The following SPATS2 variants were observed in gnomAD, a reference collection of about 807,000 sequenced individuals.
The protein encoded by SPATS2 is spermatogenesis associated serine rich 2.
SPATS2 carries 38 observed loss-of-function variants against 63.7 expected under a neutral mutation model. The observed-to-expected ratio is 0.60, with a 90% CI of 0.46 to 0.78. The LOEUF is 0.78. Among genes scored for constraint, SPATS2 ranks in the 30% least tolerant of loss-of-function variants. The pLI is 0.00. For synonymous variants in SPATS2, 207 were observed against 232.9 expected, an observed-to-expected ratio of 0.89 and a Z score of 1.01; for missense variants, 588 against 666.2, an observed-to-expected ratio of 0.88 and a Z score of 1.29.
intron 2 of SPATS2, among the ~76,000 whole-genome samples, chr12:49,445,285 T>A (rs887898770): frequency 9.2e-5 from 14 of 152,158 alleles, no homozygotes; most frequent in Middle Eastern, 3.2e-3. Context: ...TCCCCTTTTT[T>A]AAAAACCATG....
At chr12:49,389,919 A>G in intron 2 of SPATS2, 2 of 811,564 alleles carry the variant, frequency 2.5e-6, no homozygotes, top group Admixed American at 3.4e-5. Context: ...CCAAGGATAC[A>G]GGCACATGTT....
chr12:49,523,971 AT>A (rs1365899463), intron 12 of SPATS2, among the ~76,000 whole-genome samples: 1 of 151,994 alleles, frequency 6.6e-6, no homozygotes, highest in Non-Finnish European at 1.5e-5. Flanking sequence ...AAAGTGAAAT[AT>A]TTCACCTATG....
chr12:49,385,839 T>TTTTG lies in SPATS2; in HGVS notation c.-244+14577_-244+14580dup, dbSNP rs576472782. On this transcript the variant is annotated intron_variant, in intron 2 of 13. Transcript: ENST00000552918. ...ACAATTTTGTGGGGTTTTTTTTGTT[T>TTTTG]TTTGTTTGTTTGTTTGTTTGTTTGT... 7.5e-3 allele frequency among the ~76,000 whole-genome samples: 1,110 copies of TTTTG among 147,490 alleles called. 7 individuals carry two copies. The highest frequency in any genetic ancestry group is 0.018 in the South Asian group (85 of 4,680).
intron 3 of SPATS2, chr12:49,462,238 C>T (rs764574298): frequency 7.3e-5 from 51 of 700,362 alleles, no homozygotes; most frequent in Middle Eastern, 6.9e-4. Context: ...GCAGGAGTCT[C>T]TCCTTTACTC....
intron 2 of SPATS2, among the ~76,000 whole-genome samples, chr12:49,390,646 T>C (rs980150388): frequency 4.6e-5 from 7 of 152,212 alleles, no homozygotes; most frequent in African/African-American, 1.7e-4. Context: ...TACTTTCACA[T>C]TTATTTAAAT....
chr12:49,464,016 C>T (rs1365643121), intron 3 of SPATS2, among the ~76,000 whole-genome samples: 1 of 152,122 alleles, frequency 6.6e-6, no homozygotes, highest in Non-Finnish European at 1.5e-5. Context: ...TGTCTGTGAA[C>T]TGGAGAAGTA....
In SPATS2 at chr12:49,500,224, G is replaced by C; in HGVS notation, c.839+19G>C. ...AGAGCTGGTAATTTAAGCTGCATTTGATATCAGTAGCATAAAAATGATCAT... is the reference window on the plus strand; with the variant it reads ...AGAGCTGGTAATTTAAGCTGCATTTCATATCAGTAGCATAAAAATGATCAT... On this transcript the variant is annotated intron_variant, in intron 9 of 13. Transcript: ENST00000552918. 6.3e-7 allele frequency: 1 copy of C among 1,584,950 alleles called. No individual in the cohort carries two copies. The highest frequency in any genetic ancestry group is 1.4e-5 in the African/African-American group (1 of 72,866).
At position 49,410,523 on chromosome 12, in the gene SPATS2, C is replaced by T. The variant is rs146456645; in HGVS notation, c.-244+39233C>T. 3.3e-4 allele frequency among the ~76,000 whole-genome samples: 51 copies of T among 152,254 alleles called. No homozygotes were observed. In the East Asian group the frequency reaches 9.2e-3, roughly 28 times the overall value. On this transcript the variant is annotated intron_variant, in intron 2 of 13. Coordinates refer to ENST00000552918, the MANE Select transcript of SPATS2 (RefSeq NM_023071.4). ...ATACTTACTATCTAATTTTTCTCCC[C>T]AACTTCTACCTGACCTCATTTTGTG...
At chr12:49,430,221 C>T (rs886779957) in intron 2 of SPATS2, among the ~76,000 whole-genome samples, 2 of 151,374 alleles carry the variant, frequency 1.3e-5, no homozygotes, top group Non-Finnish European at 2.9e-5. Context: ...CTGCCTCAGC[C>T]TCCCGAGTAG....
intron 2 of SPATS2, among the ~76,000 whole-genome samples, chr12:49,447,400 G>A (rs1424861914): frequency 1.3e-5 from 2 of 152,026 alleles, no homozygotes; most frequent in Non-Finnish European, 2.9e-5. Context: ...CACCATGCCT[G>A]GCTAATTTTT....
intron 10 of SPATS2, among the ~76,000 whole-genome samples, chr12:49,517,118 A>G (rs1437828090): frequency 1.3e-5 from 2 of 152,222 alleles, no homozygotes; most frequent in Non-Finnish European, 2.9e-5. Context: ...TTTGAGAGCT[A>G]TAATTTTGTC....
At chr12:49,472,131 CTTT>C (rs778973190) in intron 3 of SPATS2, among the ~76,000 whole-genome samples, 4 of 151,936 alleles carry the variant, frequency 2.6e-5, no homozygotes, top group African/African-American at 4.8e-5. Context: ...GAGCAAGACT[CTTT>C]GTCTCAAAAG....
chr12:49,522,028 G>GAA lies in SPATS2; in HGVS notation c.1009-711_1009-710dup, dbSNP rs111233399. On this transcript the variant is annotated intron_variant, in intron 11 of 13. Transcript: ENST00000552918. ...TCTCTTTTTTATCTCCTTTTCATCTGAAAAAAAAAAAAATGATTCCAGTCT... is the reference window on the plus strand; with the variant it reads ...TCTCTTTTTTATCTCCTTTTCATCTGAAAAAAAAAAAAAAATGATTCCAGTCT... Among the ~76,000 whole-genome samples, 579 of 138,894 alleles carry GAA rather than the reference G, an allele frequency of 4.2e-3. 9 individuals are homozygous for GAA. The highest frequency in any genetic ancestry group is 0.013 in the African/African-American group (521 of 38,934). 91.1% of individuals were successfully genotyped at this position (138,894 alleles called of 152,430 possible).
At chr12:49,439,570 A>G (rs1945379352) in intron 2 of SPATS2, among the ~76,000 whole-genome samples, 1 of 152,112 alleles carries the variant, frequency 6.6e-6, no homozygotes, top group Admixed American at 6.6e-5. Flanking sequence ...AAAATAGAGG[A>G]GTCAAGGATA....
chr12:49,504,554 T>C (rs1946622784), intron 9 of SPATS2, among the ~76,000 whole-genome samples: 1 of 152,162 alleles, frequency 6.6e-6, no homozygotes, highest in South Asian at 2.1e-4. Flanking sequence ...CACACTCAGC[T>C]TCTCTTTTAA....
intron 9 of SPATS2, among the ~76,000 whole-genome samples, chr12:49,501,088 A>G (rs1336188120): frequency 3.3e-5 from 5 of 152,076 alleles, no homozygotes; most frequent in African/African-American, 1.2e-4. Context: ...AGTAGCTGGT[A>G]CTACAGGCAT....
At chr12:49,517,888 C>A (rs1946877645) in intron 10 of SPATS2, among the ~76,000 whole-genome samples, 1 of 152,082 alleles carries the variant, frequency 6.6e-6, no homozygotes, top group Non-Finnish European at 1.5e-5. Context: ...CCTGAATGTT[C>A]CTGAATGTAG....
intron 10 of SPATS2, among the ~76,000 whole-genome samples, chr12:49,518,583 A>C (rs1425220809): frequency 1.3e-5 from 2 of 152,184 alleles, no homozygotes; most frequent in Non-Finnish European, 2.9e-5. Flanking sequence ...CATGTGTATG[A>C]TATACTTCCA....
At chr12:49,384,025 C>A (rs1301796537) in intron 2 of SPATS2, among the ~76,000 whole-genome samples, 1 of 152,158 alleles carries the variant, frequency 6.6e-6, no homozygotes, top group Non-Finnish European at 1.5e-5. Flanking sequence ...CTCAGCTTCC[C>A]CTAATGTTAA....
Sources: allele counts gnomAD v4.1 joint callset (sites outside exome capture counted in the v4.1 genomes callset), GRCh38; gene constraint gnomAD v4.1.1; transcripts MANE v1.5; gene names NCBI Gene and HGNC (gene_info 2026-07-23, HGNC 2026-07-21).